CD83: variants seen among roughly 807,000 people sequenced by gnomAD.
The protein encoded by CD83 is CD83 antigen.
A neutral mutation model predicts 24.6 loss-of-function variants in CD83; 22 were observed. The ratio of observed to expected loss-of-function variants is 0.90; its 90% CI spans 0.64 to 1.28. The LOEUF (loss-of-function observed/expected upper bound fraction) is 1.28. Among genes scored for constraint, CD83 ranks in the 50% most tolerant of loss-of-function variants. The pLI is 0.00. For synonymous variants in CD83, 101 were observed against 103.5 expected, an observed-to-expected ratio of 0.98 and a Z score of 0.14; for missense variants, 253 against 252.8, an observed-to-expected ratio of 1.00 and a Z score of -0.01.
chr6:14,119,513 C>T (rs1759623498), intron 2 of CD83, among the ~76,000 whole-genome samples: 1 of 152,172 alleles, frequency 6.6e-6, no homozygotes, highest in African/African-American at 2.4e-5. Context: ...ACTATTCCTA[C>T]TTTACAGGTG....
chr6:14,134,306 G>T (rs1328850211), intron 4 of CD83, among the ~76,000 whole-genome samples: 1 of 152,252 alleles, frequency 6.6e-6, no homozygotes, highest in Non-Finnish European at 1.5e-5. Context: ...GTGCAGGATG[G>T]CTGGCCGGTG....
In CD83 at chr6:14,117,789, GGCAGCGGC is replaced by G. The variant is rs780511827; in HGVS notation, c.-16_-9del. On this transcript the variant is annotated 5_prime_UTR_variant, in exon 1 of 5. Coordinates refer to ENST00000379153, the MANE Select transcript of CD83 (RefSeq NM_004233.4). The surrounding 1 kb of genome is among the most constrained non-coding windows in gnomAD (Gnocchi z 4.6). Reference sequence around the variant, plus strand: ...CGCGCGCCACAGCTCTGCAGCTCGTGGCAGCGGCGCAGCGCTCCAGCCATGTCGCGCGG... The same window carrying G: ...CGCGCGCCACAGCTCTGCAGCTCGTGGCAGCGCTCCAGCCATGTCGCGCGG... The G allele has an allele frequency of 3.3e-6, 5 of 1,495,600 alleles. No homozygotes were observed. The highest frequency in any genetic ancestry group is 2.0e-4 in the Middle Eastern group (1 of 5,014). The allele number at this position is 1,495,600 out of a possible 1,614,324, so 92.6% of individuals were successfully genotyped here. A position where few individuals can be genotyped will look rare whatever the true frequency, so the allele number is the denominator to read the frequency against.
chr6:14,135,435 T>G lies in CD83; in HGVS notation c.*199T>G, dbSNP rs1245599223. 1 of 545,716 alleles carries G rather than the reference T, an allele frequency of 1.8e-6. No homozygotes were observed. The highest frequency in any genetic ancestry group is 3.2e-6 in the Non-Finnish European group (1 of 310,048). The allele number at this position is 545,716 out of a possible 1,614,324, so 33.8% of individuals were successfully genotyped here. On this transcript the variant is annotated 3_prime_UTR_variant, in exon 5 of 5. Transcript: ENST00000379153. ...AAAACCATCACATGACCACATAGCATGAGGCCACTGCTGCTTCTCCATGGC... is the reference window on the plus strand; with the variant it reads ...AAAACCATCACATGACCACATAGCAGGAGGCCACTGCTGCTTCTCCATGGC...
intron 2 of CD83, among the ~76,000 whole-genome samples, chr6:14,118,907 T>C (rs750306981): frequency 2.0e-5 from 3 of 152,202 alleles, no homozygotes; most frequent in Non-Finnish European, 4.4e-5. Context: ...ATGAATATGA[T>C]ATTACAACCT....
chr6:14,132,630 G>A (rs910558719), intron 3 of CD83, among the ~76,000 whole-genome samples: 9 of 152,180 alleles, frequency 5.9e-5, no homozygotes, highest in Non-Finnish European at 2.9e-5. Flanking sequence ...GAGAAGTTGC[G>A]TTAAAATGCT....
intron 2 of CD83, among the ~76,000 whole-genome samples, chr6:14,121,858 A>G (rs995612431): frequency 6.6e-6 from 1 of 152,074 alleles, no homozygotes; most frequent in African/African-American, 2.4e-5. Context: ...TCTTTAATGT[A>G]GGTTTGGAGA....
In CD83 at chr6:14,117,863, C is replaced by A. The variant is rs1242612909; in HGVS notation, c.37+15C>A. The A allele has an allele frequency of 2.5e-6, 4 of 1,571,426 alleles. No individual in the cohort carries two copies. In the African/African-American group the frequency reaches 5.4e-5, roughly 21 times the overall value. On this transcript the variant is annotated intron_variant, in intron 1 of 4. Coordinates refer to ENST00000379153, the MANE Select transcript of CD83 (RefSeq NM_004233.4). This position sits in a 1 kb window ranked among gnomAD's most constrained non-coding sequence, Gnocchi z 4.6. ...CCTGAGCTGCGGTAGGGCTCGCGAG[C>A]GCCTGTCTCGCCTGTCGCCCCCCGC...
At chr6:14,134,217 A>G (rs904655124) in intron 4 of CD83, among the ~76,000 whole-genome samples, 2 of 152,092 alleles carry the variant, frequency 1.3e-5, no homozygotes, top group Non-Finnish European at 2.9e-5. Context: ...CTCCCCTTCT[A>G]TTTTTGGTAT....
intron 2 of CD83, among the ~76,000 whole-genome samples, chr6:14,126,124 G>A (rs1759804826): frequency 6.6e-6 from 1 of 152,188 alleles, no homozygotes; most frequent in Non-Finnish European, 1.5e-5. Flanking sequence ...GCTAACACAT[G>A]GAGAAACTGG....
intron 2 of CD83, among the ~76,000 whole-genome samples, chr6:14,125,510 A>G (rs560221222): frequency 1.8e-4 from 28 of 152,202 alleles, no homozygotes; most frequent in Admixed American, 1.1e-3. Context: ...ATCTCAACTT[A>G]TGTCTGATTA....
In CD83 at chr6:14,135,495, A is replaced by C; in HGVS notation, c.*259A>C. The C allele has an allele frequency of 2.5e-6, 1 of 399,226 alleles. No homozygotes were observed. The highest frequency in any genetic ancestry group is 6.7e-5 in the South Asian group (1 of 14,968). 24.7% of individuals were successfully genotyped at this position (399,226 alleles called of 1,614,324 possible). ...AGCGATGTATGCAGCTATCTGGTCA[A>C]CCTCCTGGACATTTTTTCAGTCATA... On this transcript the variant is annotated 3_prime_UTR_variant, in exon 5 of 5. Transcript: ENST00000379153.
At chr6:14,120,077 C>T (rs1459111940) in intron 2 of CD83, among the ~76,000 whole-genome samples, 1 of 152,156 alleles carries the variant, frequency 6.6e-6, no homozygotes, top group Non-Finnish European at 1.5e-5. Flanking sequence ...AGTCTCTAGG[C>T]GTTCTTTTTT....
At chr6:14,134,362 G>A (rs551194004) in intron 4 of CD83, among the ~76,000 whole-genome samples, 6 of 152,354 alleles carry the variant, frequency 3.9e-5, no homozygotes, top group East Asian at 1.9e-4. Flanking sequence ...TGCAGGTTCT[G>A]GCTCAAAGCC....
intron 2 of CD83, among the ~76,000 whole-genome samples, chr6:14,124,885 T>C (rs1465911072): frequency 6.6e-6 from 1 of 152,158 alleles, no homozygotes. Flanking sequence ...TTTGCAAATG[T>C]AATCAAATTG....
Position 14,128,272 on chromosome 6 carries a change from G to A in CD83, c.154-3248G>A, listed in dbSNP as rs190282550. ...AGCAGGGTGATAGCTGCCTGGCCAC[G>A]TATCTGATGATAATGATATGAGCTT... On this transcript the variant is annotated intron_variant, in intron 2 of 4. Coordinates refer to ENST00000379153, the MANE Select transcript of CD83 (RefSeq NM_004233.4). Among the ~76,000 whole-genome samples, 469 of 152,244 alleles carry A rather than the reference G, an allele frequency of 3.1e-3. 4 individuals carry two copies. Among genetic ancestry groups the A allele is most frequent in the African/African-American group, 0.01 (426 of 41,540 alleles).
chr6:14,118,615 C>G, intron 2 of CD83, among the ~76,000 whole-genome samples: 1 of 152,186 alleles, frequency 6.6e-6, no homozygotes, highest in East Asian at 1.9e-4. Context: ...ATACCCTTGG[C>G]TTCCTCCCCT....
In CD83 at chr6:14,134,313, G is replaced by A. The variant is rs546688465; in HGVS notation, c.489+558G>A. Among the ~76,000 whole-genome samples, 8 of 152,256 alleles carry A rather than the reference G, an allele frequency of 5.3e-5. No homozygotes were observed. The South Asian group carries it at 6.2e-4, about 12-fold the overall frequency. ...CTTCCGGGGTGCAGGATGGCTGGCC[G>A]GTGCTCAGGCACCCTAGACATGCCC... On this transcript the variant is annotated intron_variant, in intron 4 of 4. Transcript: ENST00000379153.
intron 2 of CD83, among the ~76,000 whole-genome samples, chr6:14,127,452 A>AG (rs1320750145): frequency 5.3e-5 from 8 of 152,170 alleles, no homozygotes; most frequent in African/African-American, 1.9e-4. Flanking sequence ...TTAAAAAAAA[A>AG]CACTTTCCAC....
rs1758024849 is a variant in CD83 at position 14,135,341 on chromosome 6, G to T, written c.*105G>T. 3 of 1,277,884 alleles carry T rather than the reference G, an allele frequency of 2.3e-6. No individual in the cohort carries two copies. In the East Asian group the frequency reaches 7.0e-5, roughly 30 times the overall value. The allele number at this position is 1,277,884 out of a possible 1,614,324, so 79.2% of individuals were successfully genotyped here. A position where few individuals can be genotyped will look rare whatever the true frequency, so the allele number is the denominator to read the frequency against. ...GAGCCTACGCTGAAGATGGCATCCT[G>T]TGAAGTCCTTCACCTCACTGAAAAC... On this transcript the variant is annotated 3_prime_UTR_variant, in exon 5 of 5. Coordinates refer to ENST00000379153, the MANE Select transcript of CD83 (RefSeq NM_004233.4).
Sources: gnomAD v4.1 joint callset for allele counts (sites outside exome capture counted in the v4.1 genomes callset) on GRCh38, gnomAD v4.1.1 for gene constraint, Gnocchi (gnomAD v3.1) non-coding constraint, MANE v1.5 for transcripts, NCBI Gene and HGNC (gene_info 2026-07-23, HGNC 2026-07-21) for gene names.